The following TRPM3 variants were observed in gnomAD, a reference collection of about 807,000 sequenced individuals.
TRPM3 encodes long transient receptor potential channel 3.
In TRPM3, 77 loss-of-function variants were observed where a neutral mutation model predicts 181.2. The observed-to-expected ratio is 0.42, with a 90% CI of 0.35 to 0.51. The LOEUF (loss-of-function observed/expected upper bound fraction) is 0.51, where lower values mean the gene tolerates loss of function less well. Among genes scored for constraint, TRPM3 ranks in the 20% least tolerant of loss-of-function variants. The probability of loss-of-function intolerance (pLI) is 0.01; values close to 1 mark genes in which losing one functional copy is unlikely to be tolerated. For synonymous variants in TRPM3, 745 were observed against 796.4 expected, an observed-to-expected ratio of 0.94 and a Z score of 1.09; for missense variants, 1,759 against 2,196.7, an observed-to-expected ratio of 0.80 and a Z score of 3.98.
chr9:71,095,511 C>T (rs1359328482), intron 1 of TRPM3, among the ~76,000 whole-genome samples: 2 of 152,052 alleles, frequency 1.3e-5, no homozygotes, highest in Non-Finnish European at 2.9e-5. Flanking sequence ...GTAATCCCAG[C>T]ACTTTGGAAG....
At chr9:70,837,332 T>G (rs2094388474) in intron 5 of TRPM3, among the ~76,000 whole-genome samples, 1 of 152,164 alleles carries the variant, frequency 6.6e-6, no homozygotes, top group African/African-American at 2.4e-5. Flanking sequence ...AAGAGCACTT[T>G]CCAATTAAAC....
At chr9:70,617,263 T>G (rs905900179) in intron 17 of TRPM3, among the ~76,000 whole-genome samples, 1 of 152,188 alleles carries the variant, frequency 6.6e-6, no homozygotes, top group Admixed American at 6.5e-5. Context: ...AAGGCCGGGC[T>G]TGGCGGTCAC....
At chr9:71,045,408 T>C (rs1281163236) in intron 1 of TRPM3, among the ~76,000 whole-genome samples, 1 of 152,222 alleles carries the variant, frequency 6.6e-6, no homozygotes, top group East Asian at 1.9e-4. Flanking sequence ...ACTAAAATGA[T>C]TTCTCGGCCA....
chr9:70,672,791 G>T (rs4540466), intron 9 of TRPM3, among the ~76,000 whole-genome samples: 1 of 151,912 alleles, frequency 6.6e-6, no homozygotes, highest in African/African-American at 2.4e-5. Context: ...TTTTGTAGGG[G>T]GAGTGATGCC....
At chr9:70,556,391 G>A (rs1351796512) in intron 22 of TRPM3, among the ~76,000 whole-genome samples, 5 of 151,998 alleles carry the variant, frequency 3.3e-5, no homozygotes, top group Admixed American at 1.3e-4. Context: ...AACAGAGGTA[G>A]TATTAATTTA....
upstream of TRPM3, among the ~76,000 whole-genome samples, chr9:71,123,124 T>C (rs1289602131): frequency 6.6e-6 from 1 of 152,218 alleles, no homozygotes; most frequent in Non-Finnish European, 1.5e-5. Context: ...GAAACCAGTC[T>C]ACTAGGCTGT....
chr9:71,110,118 A>G (rs1193308904), intron 1 of TRPM3, among the ~76,000 whole-genome samples: 1 of 152,134 alleles, frequency 6.6e-6, no homozygotes, highest in East Asian at 1.9e-4. Flanking sequence ...ATAAGCACGA[A>G]CGATTTAGTC....
chr9:70,886,432 G>T (rs1391707464), intron 1 of TRPM3, among the ~76,000 whole-genome samples: 1 of 152,116 alleles, frequency 6.6e-6, no homozygotes, highest in African/African-American at 2.4e-5. Flanking sequence ...ATTTCCCTCA[G>T]TGCCTTGTGC....
chr9:71,071,627 GCA>G (rs2062777792), intron 1 of TRPM3, among the ~76,000 whole-genome samples: 1 of 152,178 alleles, frequency 6.6e-6, no homozygotes, highest in Non-Finnish European at 1.5e-5. Flanking sequence ...CCAAATTAGT[GCA>G]TTCTAGCAAT....
chr9:71,005,638 G>GA (rs535704501), intron 1 of TRPM3, among the ~76,000 whole-genome samples: 229 of 150,592 alleles, frequency 1.5e-3, no homozygotes, highest in African/African-American at 3.8e-3. Flanking sequence ...GTACTGAGAG[G>GA]AAAAAAAAAC....
intron 1 of TRPM3, among the ~76,000 whole-genome samples, chr9:70,898,787 G>GAAAAT (rs1200666996): frequency 1.4e-5 from 2 of 146,024 alleles, no homozygotes; most frequent in Non-Finnish European, 3.0e-5. Flanking sequence ...GAAAAGAAAA[G>GAAAAT]AAAGAAAAAA....
chr9:71,294,534 A>C (rs1242030871), intron 1 of TRPM3, among the ~76,000 whole-genome samples: 1 of 152,154 alleles, frequency 6.6e-6, no homozygotes, highest in Non-Finnish European at 1.5e-5. Flanking sequence ...AGGAAAATGT[A>C]ATTTGATATA....
At chr9:71,267,911 A>T (rs34966043) in intron 1 of TRPM3, among the ~76,000 whole-genome samples, 6,857 of 152,272 alleles carry the variant, frequency 0.045, 171 homozygotes, top group East Asian at 0.11. Context: ...TGTACAAAAA[A>T]GATAGGGATT....
At chr9:70,638,665 G>C (rs918412106) in intron 11 of TRPM3, among the ~76,000 whole-genome samples, 5 of 152,130 alleles carry the variant, frequency 3.3e-5, no homozygotes, top group Non-Finnish European at 5.9e-5. Context: ...TAGCTCTGAG[G>C]ATAAAAAATG....
In TRPM3 at chr9:70,894,168, TTTTG is replaced by T. The variant is rs774532984; in HGVS notation, c.178-29661_178-29658del. 3.9e-5 allele frequency among the ~76,000 whole-genome samples: 6 copies of T among 152,210 alleles called. No homozygotes were observed. In the South Asian group the frequency reaches 6.2e-4, roughly 16 times the overall value. On this transcript the variant is annotated intron_variant, in intron 1 of 25. Transcript: ENST00000677713. The stretch of plus-strand genomic sequence containing the variant: ...TTGTTGAGCTACAAAGATGCAAGGA[TTTTG>T]TTTGTTTGTTTGGTGTTAGATACAA...
At chr9:71,099,690 T>C (rs949537950) in intron 1 of TRPM3, among the ~76,000 whole-genome samples, 9 of 152,210 alleles carry the variant, frequency 5.9e-5, no homozygotes, top group Non-Finnish European at 1.2e-4. Context: ...ATACAACTTA[T>C]GCTCAACCTG....
At chr9:71,346,805 AG>A (rs1403052929) in intron 1 of TRPM3, among the ~76,000 whole-genome samples, 1 of 152,226 alleles carries the variant, frequency 6.6e-6, no homozygotes, top group Non-Finnish European at 1.5e-5. Flanking sequence ...GGGAGGTAGA[AG>A]TACTATCTGC....
intron 22 of TRPM3, among the ~76,000 whole-genome samples, chr9:70,590,164 C>T (rs1168660937): frequency 6.6e-6 from 1 of 152,192 alleles, no homozygotes; most frequent in East Asian, 1.9e-4. Context: ...TTCAACTCCT[C>T]CACACTGAAA....
intron 22 of TRPM3, among the ~76,000 whole-genome samples, chr9:70,577,538 C>A (rs73649176): frequency 0.022 from 3,394 of 152,290 alleles, 135 homozygotes; most frequent in African/African-American, 0.072. Flanking sequence ...AATTGACTTC[C>A]CTTTCCCTAG....
Sources: gnomAD v4.1 joint callset for allele counts (sites outside exome capture counted in the v4.1 genomes callset) on GRCh38, gnomAD v4.1.1 for gene constraint, MANE v1.5 for transcripts, NCBI Gene and HGNC (gene_info 2026-07-23, HGNC 2026-07-21) for gene names.